RAD17: variants seen among roughly 807,000 people sequenced by gnomAD.
The protein encoded by RAD17 is RAD17 checkpoint clamp loader component.
RAD17 carries 31 observed loss-of-function variants against 81.5 expected under a neutral mutation model. The ratio of observed to expected loss-of-function variants is 0.38; its 90% CI spans 0.29 to 0.51. The LOEUF is 0.51. Ranked by LOEUF, RAD17 falls within the 20% of genes least tolerant of loss-of-function variation. The pLI, the probability that RAD17 is intolerant of heterozygous loss-of-function variation, is 0.88. For missense variants in RAD17, 681 were observed against 781.2 expected, an observed-to-expected ratio of 0.87 and a Z score of 1.53; for synonymous variants, 261 against 266.2, an observed-to-expected ratio of 0.98 and a Z score of 0.19.
At chr5:69,386,489 T>C in intron 11 of RAD17, 24 bp downstream of exon 11, 1 of 1,543,832 alleles carries the variant, frequency 6.5e-7, no homozygotes, top group Non-Finnish European at 8.7e-7. Flanking sequence ...TAATTAAACC[T>C]TACTCGATAA....
intron 15 of RAD17, 46 bp from the exon 16 acceptor site, chr5:69,396,351 C>T: frequency 6.4e-7 from 1 of 1,569,114 alleles, no homozygotes; most frequent in South Asian, 1.2e-5. Flanking sequence ...ACCAGTAATG[C>T]TCTTTTATAA....
At chr5:69,377,678 CAT>C (rs56053836) in intron 6 of RAD17, among the ~76,000 whole-genome samples, 85 of 4,918 alleles carry the variant, frequency 0.017, 20 homozygotes, top group Non-Finnish European at 0.06. Flanking sequence ...TATATATATG[CAT>C]ATATATATAT....
At chr5:69,410,974 T>TATAC (rs1765950326) in intron 18 of RAD17, among the ~76,000 whole-genome samples, 1 of 141,960 alleles carries the variant, frequency 7.0e-6, no homozygotes, top group East Asian at 2.1e-4. Context: ...TCTATATATA[T>TATAC]ATATATATAT....
rs1763050416 is a variant in RAD17, at chr5:69,372,198, A to T, written c.-11A>T. The T allele has an allele frequency of 6.2e-7, 1 of 1,608,258 alleles. No individual in the cohort carries two copies. The highest frequency in any genetic ancestry group is 1.3e-5 in the African/African-American group (1 of 74,782). On this transcript the variant is annotated 5_prime_UTR_variant, in exon 4 of 19. An upstream start codon of the reference 5' UTR is lost. Coordinates refer to ENST00000354868, the MANE Select transcript of RAD17 (RefSeq NM_133338.3). Reference sequence around the variant, plus strand: ...TTATAGTACCAGTCACAATCTTTTGATGAGGACGAAATGAATCAGGTAGCT... The same window carrying T: ...TTATAGTACCAGTCACAATCTTTTGTTGAGGACGAAATGAATCAGGTAGCT...
In RAD17 at chr5:69,396,548, T is replaced by TAAA. The variant is rs377737971; in HGVS notation, c.1572+17_1572+19dup. The TAAA allele has an allele frequency of 4.9e-3, 6,521 of 1,338,296 alleles. 1 individual carries two copies. The highest frequency in any genetic ancestry group is 7.3e-3 in the South Asian group (436 of 59,774). 82.9% of individuals were successfully genotyped at this position (1,338,296 alleles called of 1,614,324 possible). A position where few individuals can be genotyped will look rare whatever the true frequency, so the allele number is the denominator to read the frequency against. On this transcript the variant is annotated splice_region_variant and intron_variant, in intron 16 of 18. Transcript: ENST00000354868. ...CAGTGGTTTCTAATAAATAAAAAGG[T>TAAA]AAAAAAAAAAAAAAAAATTCTGTAC...
chr5:69,384,983 T>C, intron 8 of RAD17, 50 bp downstream of exon 8: 1 of 1,435,510 alleles, frequency 7.0e-7, no homozygotes, highest in Non-Finnish European at 9.3e-7. Flanking sequence ...AAATGGAGTC[T>C]TGCTGTGTCA....
intron 15 of RAD17, among the ~76,000 whole-genome samples, chr5:69,393,746 G>T (rs1334901649): frequency 1.3e-5 from 2 of 151,534 alleles, no homozygotes; most frequent in African/African-American, 2.4e-5. Context: ...TTTTCTGTGT[G>T]TGTGTGTAGA....
At chr5:69,387,858 C>T (rs972422629) in intron 11 of RAD17, among the ~76,000 whole-genome samples, 5 of 151,638 alleles carry the variant, frequency 3.3e-5, no homozygotes, top group Non-Finnish European at 7.4e-5. Flanking sequence ...ACTCTGTATC[C>T]CAAAAAAAAG....
At chr5:69,403,779 G>C (rs1334685706) in intron 17 of RAD17, among the ~76,000 whole-genome samples, 1 of 152,000 alleles carries the variant, frequency 6.6e-6, no homozygotes, top group African/African-American at 2.4e-5. Context: ...AAATTAGCTG[G>C]GTGTTGTGGC....
intron 7 of RAD17, 119 bp downstream of exon 7, chr5:69,382,176 T>C: frequency 8.4e-7 from 1 of 1,195,078 alleles, no homozygotes; most frequent in Non-Finnish European, 1.2e-6. Flanking sequence ...AGGGATGGAA[T>C]TTCACAGGCC....
chr5:69,399,738 T>G (rs1190725963), intron 16 of RAD17, among the ~76,000 whole-genome samples: 2 of 152,208 alleles, frequency 1.3e-5, no homozygotes, highest in African/African-American at 4.8e-5. Context: ...TCGTGTAATT[T>G]ATGATGTGTG....
upstream of RAD17, chr5:69,369,408 C>G (rs1247120557): frequency 1.3e-6 from 2 of 1,594,236 alleles, no homozygotes; most frequent in Non-Finnish European, 1.7e-6. Context: ...ATGCCCAGAG[C>G]ACTCTGCGCC....
chr5:69,414,636 A>G lies in RAD17; in HGVS notation c.*344A>G, dbSNP rs560405532. On this transcript the variant is annotated 3_prime_UTR_variant, in exon 19 of 19. Coordinates refer to ENST00000354868, the MANE Select transcript of RAD17 (RefSeq NM_133338.3). ...TATTGGGGGGTTGTAAATATCAACT[A>G]TTCAACAGTTTAGGATGCAATTACG... 10 of 332,564 alleles carry G rather than the reference A, an allele frequency of 3.0e-5. No individual in the cohort carries two copies. The highest frequency in any genetic ancestry group is 1.9e-4 in the African/African-American group (9 of 47,192). The allele number at this position is 332,564 out of a possible 1,614,324, so 20.6% of individuals were successfully genotyped here. A position where few individuals can be genotyped will look rare whatever the true frequency, so the allele number is the denominator to read the frequency against.
chr5:69,400,207 G>GGTTT (rs1554043009), intron 17 of RAD17, 38 bp downstream of exon 17: 2 of 476,400 alleles, frequency 4.2e-6, no homozygotes, highest in African/African-American at 5.9e-5. Context: ...TAAGAAGTAG[G>GGTTT]GTTTATTTAT....
At chr5:69,383,409 G>A (rs1238010439) in intron 7 of RAD17, among the ~76,000 whole-genome samples, 1 of 150,330 alleles carries the variant, frequency 6.7e-6, no homozygotes, top group African/African-American at 2.4e-5. Context: ...TTTTGAGATG[G>A]AGTCTTGCTC....
chr5:69,377,539 GTA>G (rs1491455622), intron 6 of RAD17, among the ~76,000 whole-genome samples: 1 of 17,204 alleles, frequency 5.8e-5, no homozygotes, highest in Non-Finnish European at 1.1e-4. Flanking sequence ...GTATATATAC[GTA>G]TATATATGCA....
chr5:69,391,216 C>G (rs544251413), intron 12 of RAD17, among the ~76,000 whole-genome samples: 1 of 142,902 alleles, frequency 7.0e-6, no homozygotes. Flanking sequence ...GGCAACAGAG[C>G]GAGACTCCAT....
At chr5:69,410,631 C>A in intron 18 of RAD17, 81 bp downstream of exon 18, 1 of 1,259,296 alleles carries the variant, frequency 7.9e-7, no homozygotes, top group Non-Finnish European at 1.2e-6. Context: ...ATAACTGTTA[C>A]CTGTAACATC....
intron 17 of RAD17, among the ~76,000 whole-genome samples, chr5:69,407,738 G>C (rs1267534296): frequency 6.6e-6 from 1 of 151,802 alleles, no homozygotes; most frequent in Non-Finnish European, 1.5e-5. Context: ...CGCTATGCCC[G>C]GCGGGGTTTC....
Sources: gnomAD v4.1 joint callset for allele counts (sites outside exome capture counted in the v4.1 genomes callset) on GRCh38, gnomAD v4.1.1 for gene constraint, MANE v1.5 for transcripts, NCBI Gene and HGNC (gene_info 2026-07-23, HGNC 2026-07-21) for gene names.